ADAMTS19: variants seen among roughly 807,000 people sequenced by gnomAD.
ADAMTS19 encodes the protein ADAM metallopeptidase with thrombospondin type 1 motif 19.
Under a neutral mutation model 153.3 loss-of-function variants are expected in ADAMTS19, and 93 were observed. The observed-to-expected ratio is 0.61, with a 90% CI of 0.51 to 0.72. The LOEUF (loss-of-function observed/expected upper bound fraction) is 0.72. Among genes scored for constraint, ADAMTS19 ranks in the 30% least tolerant of loss-of-function variants. The probability of loss-of-function intolerance (pLI) is 0.00; values close to 1 mark genes in which losing one functional copy is unlikely to be tolerated. For missense variants in ADAMTS19, 1,482 were observed against 1,552.1 expected (o/e 0.95, Z 0.76); for synonymous variants, 600 against 556.6 (o/e 1.08, Z -1.10).
At chr5:129,462,903 A>G (rs941646639) in intron 2 of ADAMTS19, among the ~76,000 whole-genome samples, 8 of 152,230 alleles carry the variant, frequency 5.3e-5, no homozygotes, top group African/African-American at 1.9e-4. Context: ...ATCCAACAGC[A>G]GTGGATAGCA....
rs776248878 is a variant in ADAMTS19 at position 129,630,042 on chromosome 5, T to C, written c.1770+7694T>C. 4.5e-4 allele frequency among the ~76,000 whole-genome samples: 68 copies of C among 152,096 alleles called. 1 individual carries two copies. Among genetic ancestry groups the C allele is most frequent in the Admixed American group, 1.6e-3 (25 of 15,234 alleles). On this transcript the variant is annotated intron_variant, in intron 10 of 22. Transcript: ENST00000274487. ...ATATGTATTAAATGGATAGAAAAGT[T>C]TATAGTATAACTGAATCATATGATT...
intron 3 of ADAMTS19, among the ~76,000 whole-genome samples, chr5:129,509,526 T>G (rs919594471): frequency 2.0e-5 from 3 of 151,940 alleles, no homozygotes; most frequent in Non-Finnish European, 4.4e-5. Context: ...ACTGTTCACT[T>G]TACTGGAATA....
chr5:129,638,561 TCA>T (rs1290834679), intron 10 of ADAMTS19, among the ~76,000 whole-genome samples: 16 of 118,880 alleles, frequency 1.3e-4, no homozygotes, highest in African/African-American at 5.2e-4. Context: ...ACTCTCTGTC[TCA>T]CACACACACA....
At chr5:129,607,744 T>C (rs1358568519) in intron 8 of ADAMTS19, among the ~76,000 whole-genome samples, 1 of 152,166 alleles carries the variant, frequency 6.6e-6, no homozygotes, top group South Asian at 2.1e-4. Flanking sequence ...CCTGTCCAAC[T>C]ATTTCATCCA....
intron 2 of ADAMTS19, among the ~76,000 whole-genome samples, chr5:129,505,307 A>C (rs1751235110): frequency 6.6e-6 from 1 of 152,164 alleles, no homozygotes; most frequent in African/African-American, 2.4e-5. Flanking sequence ...GAAGTGAGAT[A>C]GTTGAAGCGA....
chr5:129,607,782 C>G, intron 8 of ADAMTS19, among the ~76,000 whole-genome samples: 1 of 151,680 alleles, frequency 6.6e-6, no homozygotes, highest in East Asian at 1.9e-4. Flanking sequence ...TGTGAAAGGG[C>G]CAAATCTAGC....
intron 2 of ADAMTS19, among the ~76,000 whole-genome samples, chr5:129,488,221 T>C (rs926558894): frequency 1.3e-5 from 2 of 152,110 alleles, no homozygotes; most frequent in Non-Finnish European, 2.9e-5. Flanking sequence ...AATTTGTACT[T>C]GTAAATAATG....
intron 21 of ADAMTS19, among the ~76,000 whole-genome samples, chr5:129,720,170 A>T (rs963019078): frequency 1.9e-4 from 22 of 117,686 alleles, no homozygotes; most frequent in Non-Finnish European, 2.4e-4. Flanking sequence ...ATATATATAT[A>T]TTTATTTTTT....
chr5:129,686,547 C>T (rs548507926), intron 18 of ADAMTS19, among the ~76,000 whole-genome samples: 2 of 151,984 alleles, frequency 1.3e-5, no homozygotes, highest in African/African-American at 2.4e-5. Context: ...AGCTGCACCA[C>T]GTCTAGATCC....
chr5:129,584,546 A>G (rs955317273), intron 7 of ADAMTS19, among the ~76,000 whole-genome samples: 6 of 152,288 alleles, frequency 3.9e-5, no homozygotes, highest in African/African-American at 1.2e-4. Context: ...AGTTTGATCT[A>G]TAAGTCCCTG....
intron 7 of ADAMTS19, among the ~76,000 whole-genome samples, chr5:129,575,501 T>C (rs889084530): frequency 2.6e-5 from 4 of 152,126 alleles, no homozygotes; most frequent in Non-Finnish European, 2.9e-5. Flanking sequence ...TTCAGAGTTA[T>C]GACAGTTTGT....
intron 14 of ADAMTS19, among the ~76,000 whole-genome samples, chr5:129,655,389 A>G (rs2127058116): frequency 6.6e-6 from 1 of 152,348 alleles, no homozygotes; most frequent in Admixed American, 6.5e-5. Context: ...AGTTTCTGAT[A>G]AACCTTCCAG....
In ADAMTS19 at chr5:129,701,596, C is replaced by T. The variant is rs140399916; in HGVS notation, c.3159+4C>T. ...GGAGGCGGGAGTGTGGTCTGAGGTG[C>T]ATACATGCCCCCTTTCTTTCCCCAT... On this transcript the variant is annotated splice_donor_region_variant and intron_variant, in intron 20 of 22. Transcript: ENST00000274487. 2 of 1,613,448 alleles carry T rather than the reference C, an allele frequency of 1.2e-6. No homozygotes were observed. Among genetic ancestry groups the T allele is most frequent in the Non-Finnish European group, 1.7e-6 (2 of 1,179,554 alleles).
chr5:129,584,469 A>G (rs1056498170), intron 7 of ADAMTS19, among the ~76,000 whole-genome samples: 1 of 152,118 alleles, frequency 6.6e-6, no homozygotes, highest in Non-Finnish European at 1.5e-5. Flanking sequence ...GGCAGGAACA[A>G]TTAAGTCTGC....
At chr5:129,658,264 T>C (rs1334059593) in intron 14 of ADAMTS19, among the ~76,000 whole-genome samples, 4 of 145,386 alleles carry the variant, frequency 2.8e-5, no homozygotes, top group Admixed American at 7.1e-5. Context: ...CCAGCCTAGG[T>C]GACAGAACCA....
chr5:129,657,892 T>C (rs1464833615), intron 14 of ADAMTS19, among the ~76,000 whole-genome samples: 1 of 152,226 alleles, frequency 6.6e-6, no homozygotes, highest in Non-Finnish European at 1.5e-5. Flanking sequence ...ATGTTGTATT[T>C]AATAGAAATG....
At chr5:129,688,318 A>G (rs972428144) in intron 18 of ADAMTS19, 6 of 152,182 alleles carry the variant, frequency 3.9e-5, no homozygotes, top group African/African-American at 1.4e-4. Context: ...AGAATATATT[A>G]AGAGCAAGTA....
intron 10 of ADAMTS19, among the ~76,000 whole-genome samples, chr5:129,634,730 G>A (rs927631381): frequency 4.0e-5 from 6 of 151,850 alleles, no homozygotes; most frequent in South Asian, 2.1e-4. Flanking sequence ...TTTTTAGGCC[G>A]TACACAAAAA....
intron 8 of ADAMTS19, among the ~76,000 whole-genome samples, chr5:129,599,001 C>T (rs749303022): frequency 1.3e-4 from 19 of 151,956 alleles, no homozygotes; most frequent in Non-Finnish European, 2.6e-4. Context: ...CCATGTTGTT[C>T]AAGGGTCAAG....
Sources: gnomAD v4.1 joint callset for allele counts (sites outside exome capture counted in the v4.1 genomes callset) on GRCh38, gnomAD v4.1.1 for gene constraint, MANE v1.5 for transcripts, NCBI Gene and HGNC (gene_info 2026-07-23, HGNC 2026-07-21) for gene names.